Variants in KCNMB4 observed in about 807,000 individuals in gnomAD.
The protein encoded by KCNMB4 is potassium calcium-activated channel subfamily M regulatory beta subunit 4.
KCNMB4 carries 3 observed loss-of-function variants against 20.7 expected under a neutral mutation model. The observed-to-expected ratio is 0.14, with a 90% CI of 0.07 to 0.37. The LOEUF (loss-of-function observed/expected upper bound fraction) is 0.37. KCNMB4 is among the 10% of genes least tolerant of loss of function. The pLI is 1.00. For missense variants in KCNMB4, 168 were observed against 265.9 expected, an observed-to-expected ratio of 0.63 and a Z score of 2.56; for synonymous variants, 110 against 113.4, an observed-to-expected ratio of 0.97 and a Z score of 0.19.
intron 1 of KCNMB4, among the ~76,000 whole-genome samples, chr12:70,367,828 A>C (rs1223208043): frequency 6.6e-6 from 1 of 151,938 alleles, no homozygotes; most frequent in East Asian, 1.9e-4. Flanking sequence ...GACTTCTCTG[A>C]CAACTTCTAT....
At chr12:70,406,933 C>T (rs1223052428) in intron 2 of KCNMB4, among the ~76,000 whole-genome samples, 1 of 152,120 alleles carries the variant, frequency 6.6e-6, no homozygotes, top group South Asian at 2.1e-4. Context: ...AATTCTGACA[C>T]CAAATGTGTG....
intron 1 of KCNMB4, among the ~76,000 whole-genome samples, chr12:70,399,007 A>G (rs950101125): frequency 2.0e-5 from 3 of 152,214 alleles, no homozygotes; most frequent in African/African-American, 7.2e-5. Flanking sequence ...CATTAAAAGG[A>G]GAGAGAACAG....
intron 2 of KCNMB4, among the ~76,000 whole-genome samples, chr12:70,410,577 A>G (rs1296546028): frequency 6.6e-6 from 1 of 152,334 alleles, no homozygotes; most frequent in East Asian, 1.9e-4. Context: ...CGCCTGTAAA[A>G]TGAGGATAGC....
chr12:70,411,974 A>G (rs1868791562), intron 2 of KCNMB4, among the ~76,000 whole-genome samples: 2 of 152,164 alleles, frequency 1.3e-5, no homozygotes, highest in African/African-American at 4.8e-5. Context: ...GGATCCATGA[A>G]CAATTTGGAG....
At chr12:70,410,048 T>A (rs905217557) in intron 2 of KCNMB4, among the ~76,000 whole-genome samples, 4 of 152,212 alleles carry the variant, frequency 2.6e-5, no homozygotes, top group African/African-American at 9.6e-5. Flanking sequence ...CCTTTGCTCC[T>A]GTCTCTTTCT....
At position 70,431,436 on chromosome 12, in the gene KCNMB4, A is replaced by G. The variant is rs1869361232; in HGVS notation, c.*783A>G. On this transcript the variant is annotated 3_prime_UTR_variant, in exon 3 of 3. Coordinates refer to ENST00000258111, the MANE Select transcript of KCNMB4 (RefSeq NM_014505.6). ...GTTCTTGTTGTTTTTGACGGAGTTA[A>G]AAAAGTTTGTGTGCAATACAATATA... The G allele has an allele frequency of 6.6e-6, 1 of 152,182 alleles. No homozygotes were observed. The highest frequency in any genetic ancestry group is 2.1e-4 in the South Asian group (1 of 4,828). 9.4% of individuals were successfully genotyped at this position (152,182 alleles called of 1,614,324 possible).
intron 1 of KCNMB4, among the ~76,000 whole-genome samples, chr12:70,397,801 T>A (rs972163797): frequency 2.6e-5 from 4 of 152,210 alleles, no homozygotes; most frequent in Non-Finnish European, 4.4e-5. Flanking sequence ...CATGTGGTTA[T>A]GAATTGTTCT....
At chr12:70,393,229 G>A (rs1593331827) in intron 1 of KCNMB4, among the ~76,000 whole-genome samples, 1 of 152,164 alleles carries the variant, frequency 6.6e-6, no homozygotes, top group Admixed American at 6.5e-5. Context: ...TTGAGAAAGA[G>A]TCTCACTCTG....
chr12:70,390,114 A>T (rs1868287948), intron 1 of KCNMB4, among the ~76,000 whole-genome samples: 1 of 152,212 alleles, frequency 6.6e-6, no homozygotes, highest in South Asian at 2.1e-4. Flanking sequence ...AAATTTGCTC[A>T]TCCATCAAAA....
chr12:70,416,604 T>C (rs978672402), intron 2 of KCNMB4, among the ~76,000 whole-genome samples: 1 of 152,206 alleles, frequency 6.6e-6, no homozygotes, highest in Admixed American at 6.5e-5. Flanking sequence ...TCCAAACATA[T>C]TTGTAATCCT....
chr12:70,406,625 A>G (rs1366606486), intron 2 of KCNMB4, among the ~76,000 whole-genome samples: 2 of 152,136 alleles, frequency 1.3e-5, no homozygotes, highest in Non-Finnish European at 2.9e-5. Flanking sequence ...CTGGTTTCAG[A>G]ACGTTCCTGA....
intron 1 of KCNMB4, among the ~76,000 whole-genome samples, chr12:70,393,163 C>G (rs1205725914): frequency 6.6e-6 from 1 of 151,906 alleles, no homozygotes; most frequent in African/African-American, 2.4e-5. Flanking sequence ...GATTCAACTT[C>G]TATTTTTGGC....
At chr12:70,378,099 A>G (rs1883719865) in intron 1 of KCNMB4, among the ~76,000 whole-genome samples, 1 of 151,856 alleles carries the variant, frequency 6.6e-6, no homozygotes, top group Non-Finnish European at 1.5e-5. Context: ...ACAGGCATGC[A>G]CCACCACACC....
chr12:70,400,443 A>G, intron 2 of KCNMB4, 107 bp downstream of exon 2: 1 of 1,171,422 alleles, frequency 8.5e-7, no homozygotes, highest in Non-Finnish European at 1.2e-6. Context: ...AGATAGCCTC[A>G]ACTCTTCTTT....
In KCNMB4 at chr12:70,366,630, C is replaced by CGGCGGCGGT. The variant is rs1883496909; in HGVS notation, c.-96_-88dup. The CGGCGGCGGT allele has an allele frequency of 1.2e-6, 1 of 806,000 alleles. No individual in the cohort carries two copies. Among genetic ancestry groups the CGGCGGCGGT allele is most frequent in the Non-Finnish European group, 1.6e-6 (1 of 615,174 alleles). 49.9% of individuals were successfully genotyped at this position (806,000 alleles called of 1,614,324 possible). On this transcript the variant is annotated 5_prime_UTR_variant, in exon 1 of 3. Coordinates refer to ENST00000258111, the MANE Select transcript of KCNMB4 (RefSeq NM_014505.6). ...CGCCCACTCCCCTGCTGTCGCGCGGCGGCGGCGGTGGCGGCGGCGGCTCCT... is the reference window on the plus strand; with the variant it reads ...CGCCCACTCCCCTGCTGTCGCGCGGCGGCGGCGGTGGCGGCGGTGGCGGCGGCGGCTCCT...
chr12:70,410,406 G>A (rs1268046968), intron 2 of KCNMB4, among the ~76,000 whole-genome samples: 1 of 152,172 alleles, frequency 6.6e-6, no homozygotes, highest in African/African-American at 2.4e-5. Flanking sequence ...TTATCACACT[G>A]TTAAGAGAGT....
intron 1 of KCNMB4, among the ~76,000 whole-genome samples, chr12:70,389,601 G>A (rs1222284645): frequency 2.0e-5 from 3 of 152,172 alleles, no homozygotes; most frequent in Non-Finnish European, 4.4e-5. Flanking sequence ...GGCTAAGGCA[G>A]AAGGATCACT....
intron 1 of KCNMB4, among the ~76,000 whole-genome samples, chr12:70,370,542 G>A (rs1370543819): frequency 2.0e-5 from 3 of 151,908 alleles, no homozygotes; most frequent in South Asian, 4.1e-4. Context: ...TCCTGACCTC[G>A]TGATCCACCC....
At position 70,366,624 on chromosome 12, in the gene KCNMB4, G is replaced by C. The variant is rs1462553889; in HGVS notation, c.-111G>C. 2.6e-6 allele frequency: 2 copies of C among 755,338 alleles called. No individual in the cohort carries two copies. The highest frequency in any genetic ancestry group is 3.5e-6 in the Non-Finnish European group (2 of 568,130). The allele number at this position is 755,338 out of a possible 1,614,324, so 46.8% of individuals were successfully genotyped here. ...CCTCGCCGCCCACTCCCCTGCTGTC[G>C]CGCGGCGGCGGCGGTGGCGGCGGCG... On this transcript the variant is annotated 5_prime_UTR_variant, in exon 1 of 3. Transcript: ENST00000258111.
Sources: allele counts gnomAD v4.1 joint callset (sites outside exome capture counted in the v4.1 genomes callset), GRCh38; gene constraint gnomAD v4.1.1; transcripts MANE v1.5; gene names NCBI Gene and HGNC (gene_info 2026-07-23, HGNC 2026-07-21).